LDAH: variants seen among roughly 807,000 people sequenced by gnomAD.
LDAH encodes the protein lipid droplet associated hydrolase.
Under a neutral mutation model 29.6 loss-of-function variants are expected in LDAH, and 26 were observed. The observed-to-expected ratio is 0.88, with a 90% CI of 0.64 to 1.22. The LOEUF (loss-of-function observed/expected upper bound fraction) is 1.22, where lower values mean the gene tolerates loss of function less well. Ranked by LOEUF, LDAH falls within the 50% of genes most tolerant of loss-of-function variation. The pLI is 0.00. For synonymous variants in LDAH, 117 were observed against 133.0 expected (o/e 0.88, Z 0.83); for missense variants, 344 against 387.3 (o/e 0.89, Z 0.94).
At chr2:20,802,722 T>G (rs1283980344) in intron 1 of LDAH, among the ~76,000 whole-genome samples, 1 of 152,216 alleles carries the variant, frequency 6.6e-6, no homozygotes, top group African/African-American at 2.4e-5. Context: ...CCCTACGCTT[T>G]TCTGCTTCTA....
At chr2:20,707,278 C>A (rs535338291) in intron 5 of LDAH, among the ~76,000 whole-genome samples, 1 of 152,324 alleles carries the variant, frequency 6.6e-6, no homozygotes, top group East Asian at 1.9e-4. Context: ...ACTGCCTCAT[C>A]CCTTCCTTCC....
At chr2:20,758,886 G>A (rs771336185) in intron 4 of LDAH, among the ~76,000 whole-genome samples, 39 of 152,280 alleles carry the variant, frequency 2.6e-4, no homozygotes, top group African/African-American at 2.9e-4. Context: ...AACTATGAAC[G>A]GAAGGAAACA....
intron 5 of LDAH, among the ~76,000 whole-genome samples, chr2:20,714,157 A>T (rs1664982510): frequency 6.6e-6 from 1 of 152,246 alleles, no homozygotes; most frequent in South Asian, 2.1e-4. Context: ...CAAATGTAAA[A>T]GAATGGAAAT....
intron 4 of LDAH, among the ~76,000 whole-genome samples, chr2:20,743,867 C>T (rs575369565): frequency 1.3e-5 from 2 of 150,954 alleles, no homozygotes; most frequent in South Asian, 4.2e-4. Flanking sequence ...TTGTAGTTGT[C>T]CTGCAGTCCT....
At chr2:20,781,609 G>T (rs539669536) in intron 3 of LDAH, among the ~76,000 whole-genome samples, 4 of 152,220 alleles carry the variant, frequency 2.6e-5, no homozygotes, top group African/African-American at 9.7e-5. Flanking sequence ...CTAGCTGAAT[G>T]GGGGGCTGGT....
intron 4 of LDAH, among the ~76,000 whole-genome samples, chr2:20,760,690 A>G (rs901235281): frequency 1.3e-5 from 2 of 152,248 alleles, no homozygotes; most frequent in Non-Finnish European, 2.9e-5. Context: ...AGGCCGCCCA[A>G]CATAGACAAC....
At chr2:20,719,224 G>GTTTT (rs61437825) in intron 5 of LDAH, among the ~76,000 whole-genome samples, 23,158 of 129,488 alleles carry the variant, frequency 0.18, 2,346 homozygotes, top group East Asian at 0.27. Flanking sequence ...AAATGAAAAA[G>GTTTT]TTTTTTTTTT....
At chr2:20,788,280 G>A (rs966881772) in intron 3 of LDAH, among the ~76,000 whole-genome samples, 7 of 152,074 alleles carry the variant, frequency 4.6e-5, no homozygotes, top group African/African-American at 7.2e-5. Flanking sequence ...TTTATCTGAC[G>A]TGCAACATTT....
chr2:20,700,529 T>C (rs979197303), intron 6 of LDAH, among the ~76,000 whole-genome samples: 1 of 150,054 alleles, frequency 6.7e-6, no homozygotes, highest in Non-Finnish European at 1.5e-5. Context: ...TCCAGTGGGT[T>C]ATCTCGTATT....
At chr2:20,760,085 T>C (rs1668578285) in intron 4 of LDAH, among the ~76,000 whole-genome samples, 1 of 152,206 alleles carries the variant, frequency 6.6e-6, no homozygotes, top group Non-Finnish European at 1.5e-5. Flanking sequence ...GACATGCTTA[T>C]CAACAACCCA....
chr2:20,711,943 C>A (rs1276245702), intron 5 of LDAH, among the ~76,000 whole-genome samples: 1 of 152,266 alleles, frequency 6.6e-6, no homozygotes, highest in African/African-American at 2.4e-5. Context: ...ATAGACTCCA[C>A]CTCTGAGGGC....
chr2:20,790,890 T>A (rs1003864242), intron 2 of LDAH, among the ~76,000 whole-genome samples: 5 of 152,146 alleles, frequency 3.3e-5, no homozygotes, highest in Admixed American at 3.3e-4. Flanking sequence ...GAGTTTGCTA[T>A]AAAGAAACAA....
chr2:20,812,169 T>A (rs1672544726), intron 1 of LDAH, among the ~76,000 whole-genome samples: 1 of 152,208 alleles, frequency 6.6e-6, no homozygotes, highest in Non-Finnish European at 1.5e-5. Context: ...GAAGACAATG[T>A]GAGCCACAGA....
downstream of LDAH, among the ~76,000 whole-genome samples, chr2:20,683,502 A>C (rs7419855): frequency 0.91 from 139,260 of 152,286 alleles, 63,956 homozygotes; most frequent in Non-Finnish European, 0.97. Flanking sequence ...AGATGTCTCA[A>C]GCCATCTAAG....
intron 6 of LDAH, among the ~76,000 whole-genome samples, chr2:20,689,802 A>G (rs1421499788): frequency 4.6e-5 from 7 of 152,184 alleles, no homozygotes; most frequent in Admixed American, 3.3e-4. Flanking sequence ...CATACCTGTC[A>G]GGTCTGTTCC....
intron 4 of LDAH, among the ~76,000 whole-genome samples, chr2:20,747,343 C>T (rs1667641485): frequency 6.6e-6 from 1 of 152,060 alleles, no homozygotes; most frequent in Non-Finnish European, 1.5e-5. Context: ...TAGTTTAACC[C>T]ACCCAATGTA....
At chr2:20,799,182 C>A (rs1380945975) in intron 2 of LDAH, among the ~76,000 whole-genome samples, 4 of 152,084 alleles carry the variant, frequency 2.6e-5, no homozygotes, top group Non-Finnish European at 4.4e-5. Context: ...GAGCTGAGAT[C>A]ATACCACTGC....
intron 5 of LDAH, among the ~76,000 whole-genome samples, chr2:20,719,589 A>G (rs1665498956): frequency 6.6e-6 from 1 of 152,138 alleles, no homozygotes; most frequent in African/African-American, 2.4e-5. Flanking sequence ...AACTACTTTA[A>G]AAAATTGAAG....
chr2:20,817,658 T>C (rs1162353241), intron 1 of LDAH, among the ~76,000 whole-genome samples: 1 of 152,130 alleles, frequency 6.6e-6, no homozygotes, highest in Non-Finnish European at 1.5e-5. Context: ...AATTGTACTC[T>C]TGGGCATTTA....
Sources: allele counts gnomAD v4.1 joint callset (sites outside exome capture counted in the v4.1 genomes callset), GRCh38; gene constraint gnomAD v4.1.1; transcripts MANE v1.5; gene names NCBI Gene and HGNC (gene_info 2026-07-23, HGNC 2026-07-21).